The following DNAH5 variants were observed in gnomAD, a reference collection of about 807,000 sequenced individuals.
DNAH5 encodes the protein dynein axonemal heavy chain 5.
Under a neutral mutation model 518.2 loss-of-function variants are expected in DNAH5, and 372 were observed. That is an observed-to-expected ratio of 0.72 (90% CI 0.66 to 0.78). DNAH5 has a LOEUF of 0.78. Ranked by LOEUF, DNAH5 falls within the 30% of genes least tolerant of loss-of-function variation. DNAH5 has a pLI of 0.00. For synonymous variants in DNAH5, 2,039 were observed against 2,025.9 expected (o/e 1.01, Z -0.17); for missense variants, 5,523 against 5,687.0 (o/e 0.97, Z 0.93).
chr5:13,995,453 A>G (rs149747701), intron 1 of DNAH5, among the ~76,000 whole-genome samples: 255 of 152,232 alleles, frequency 1.7e-3, no homozygotes, highest in Non-Finnish European at 3.1e-3. Context: ...GCCTACATGG[A>G]CTGCATCTCG....
At chr5:13,941,062 T>C (rs1560978446) in intron 1 of DNAH5, among the ~76,000 whole-genome samples, 2 of 49,602 alleles carry the variant, frequency 4.0e-5, no homozygotes, top group East Asian at 1.1e-3. Flanking sequence ...CAGTGGGCCT[T>C]TACAAGCAGC....
chr5:13,769,239 G>A (rs953543225), intron 57 of DNAH5, 103 bp from the exon 58 acceptor site: 2 of 989,322 alleles, frequency 2.0e-6, no homozygotes, highest in Non-Finnish European at 3.0e-6. Context: ...CACTTACCCA[G>A]TTTTGTTGTT....
chr5:13,821,480 A>G (rs1024108334), intron 40 of DNAH5, among the ~76,000 whole-genome samples: 2 of 152,248 alleles, frequency 1.3e-5, no homozygotes, highest in Admixed American at 1.3e-4. Context: ...ACATGATGGA[A>G]GGGATGCTAT....
At chr5:13,967,199 T>C (rs577499557) in intron 1 of DNAH5, among the ~76,000 whole-genome samples, 3 of 152,342 alleles carry the variant, frequency 2.0e-5, no homozygotes, top group African/African-American at 7.2e-5. Flanking sequence ...CATTTATTTA[T>C]CTTTGTTTTT....
At chr5:13,886,552 T>C (rs1772463571) in intron 17 of DNAH5, among the ~76,000 whole-genome samples, 1 of 152,214 alleles carries the variant, frequency 6.6e-6, no homozygotes, top group African/African-American at 2.4e-5. Flanking sequence ...TGTGCATTTC[T>C]CAAGAATGGA....
chr5:13,831,099 C>T (rs1015706186), intron 35 of DNAH5, among the ~76,000 whole-genome samples: 1 of 152,162 alleles, frequency 6.6e-6, no homozygotes, highest in Non-Finnish European at 1.5e-5. Flanking sequence ...CATTGCATTT[C>T]CAAAATGTAT....
chr5:13,808,760 C>A (rs1760085619), intron 46 of DNAH5, among the ~76,000 whole-genome samples: 1 of 151,882 alleles, frequency 6.6e-6, no homozygotes, highest in Admixed American at 6.6e-5. Context: ...GAGATCGAGA[C>A]CATGCTGGCT....
At chr5:13,857,210 C>T (rs1767754265) in intron 30 of DNAH5, among the ~76,000 whole-genome samples, 2 of 152,166 alleles carry the variant, frequency 1.3e-5, no homozygotes, top group South Asian at 4.1e-4. Context: ...CATTCCTACA[C>T]ACCAATAATA....
chr5:13,803,467 C>G (rs1759090123), intron 47 of DNAH5, among the ~76,000 whole-genome samples: 1 of 152,058 alleles, frequency 6.6e-6, no homozygotes, highest in African/African-American at 2.4e-5. Flanking sequence ...AAAGAAAGGC[C>G]ATTGGAAGGA....
rs576720530 is a variant in DNAH5, at chr5:13,711,593, C to T, written c.13125+2812G>A. Among the ~76,000 whole-genome samples the T allele has an allele frequency of 7.1e-3, 1,081 of 152,196 alleles. 4 individuals carry two copies. The highest frequency in any genetic ancestry group is 0.011 in the Non-Finnish European group (742 of 67,994). ...AAGTCAAACTGTCACTGCTTGCTGACGATATGATCGCTTGCCTTGAAAACC... is the reference window on the plus strand; with the variant it reads ...AAGTCAAACTGTCACTGCTTGCTGATGATATGATCGCTTGCCTTGAAAACC... On this transcript the variant is annotated intron_variant, in intron 75 of 78. Coordinates refer to ENST00000265104, the MANE Select transcript of DNAH5 (RefSeq NM_001369.3).
rs749091766 is a variant in DNAH5 at position 13,922,356 on chromosome 5, T to C, written c.439-28A>G. Reference sequence around the variant, plus strand: ...GGAAAACAGGCAGGAGATCTTTTATTGTAAAAATCATCCTCAAATGCAACA... The same window carrying C: ...GGAAAACAGGCAGGAGATCTTTTATCGTAAAAATCATCCTCAAATGCAACA... On this transcript the variant is annotated intron_variant, in intron 4 of 78. Transcript: ENST00000265104. 2.5e-6 allele frequency: 4 copies of C among 1,590,276 alleles called. No homozygotes were observed. In the Admixed American group the frequency reaches 5.2e-5, roughly 21 times the overall value.
At chr5:13,747,115 ACC>A (rs1749472605) in intron 65 of DNAH5, among the ~76,000 whole-genome samples, 1 of 148,478 alleles carries the variant, frequency 6.7e-6, no homozygotes. Flanking sequence ...TTCAATTCCC[ACC>A]TACGAGTGAG....
chr5:13,716,750 G>A, intron 73 of DNAH5, 60 bp from the exon 74 acceptor site: 1 of 1,158,888 alleles, frequency 8.6e-7, no homozygotes. Context: ...TTATTTCCCT[G>A]CCAAGTCACA....
intron 30 of DNAH5, among the ~76,000 whole-genome samples, chr5:13,851,548 A>T (rs13164182): frequency 0.37 from 56,776 of 151,830 alleles, 10,888 homozygotes; most frequent in South Asian, 0.47. Flanking sequence ...GGGCTCAAGC[A>T]GTCTTCCCAC....
At chr5:13,807,448 G>C in intron 47 of DNAH5, 143 bp downstream of exon 47, 1 of 745,278 alleles carries the variant, frequency 1.3e-6, no homozygotes. Context: ...TTGAATAATT[G>C]AAAGAATGGA....
chr5:13,903,986 G>C (rs1002839167), intron 12 of DNAH5, among the ~76,000 whole-genome samples: 8 of 152,068 alleles, frequency 5.3e-5, no homozygotes, highest in Non-Finnish European at 1.0e-4. Flanking sequence ...GTAATAACAA[G>C]TTTGAAAAGT....
chr5:14,010,434 A>G (rs1348750782), intron 1 of DNAH5, among the ~76,000 whole-genome samples: 1 of 152,208 alleles, frequency 6.6e-6, no homozygotes, highest in Non-Finnish European at 1.5e-5. Context: ...CTTAAAGGGG[A>G]AAACTTGGTA....
Position 13,831,696 on chromosome 5 carries a change from C to A in DNAH5, c.5883-921G>T, listed in dbSNP as rs1763684706. On this transcript the variant is annotated intron_variant, in intron 35 of 78. Transcript: ENST00000265104. ...AGAGTCTGGATACAGAGGAAAAGAT[C>A]TGGTCATGAAATCAGGAGAATGCCT... 3.3e-5 allele frequency among the ~76,000 whole-genome samples: 5 copies of A among 152,276 alleles called. No homozygotes were observed. In the South Asian group the frequency reaches 1.0e-3, roughly 32 times the overall value.
chr5:13,861,749 G>A (rs540493708), intron 29 of DNAH5, among the ~76,000 whole-genome samples: 1 of 152,182 alleles, frequency 6.6e-6, no homozygotes, highest in South Asian at 2.1e-4. Context: ...CTGAGACCAG[G>A]AGTTTGAGAC....
Sources: allele counts gnomAD v4.1 joint callset (sites outside exome capture counted in the v4.1 genomes callset), GRCh38; gene constraint gnomAD v4.1.1; transcripts MANE v1.5; gene names NCBI Gene and HGNC (gene_info 2026-07-23, HGNC 2026-07-21).